TRAPPC3: variants seen among roughly 807,000 people sequenced by gnomAD.
TRAPPC3 encodes the protein trafficking protein particle complex 3.
Under a neutral mutation model 18.2 loss-of-function variants are expected in TRAPPC3, and 5 were observed. That is an observed-to-expected ratio of 0.28 (90% CI 0.14 to 0.58). TRAPPC3 has a LOEUF of 0.58. Among genes scored for constraint, TRAPPC3 ranks in the 20% least tolerant of loss-of-function variants. The probability of loss-of-function intolerance (pLI) is 0.91; values close to 1 mark genes in which losing one functional copy is unlikely to be tolerated. For missense variants in TRAPPC3, 176 were observed against 225.9 expected (o/e 0.78, Z 1.41); for synonymous variants, 65 against 84.2 (o/e 0.77, Z 1.25).
intron 1 of TRAPPC3, among the ~76,000 whole-genome samples, chr1:36,141,787 G>A (rs1374523657): frequency 5.9e-5 from 9 of 151,744 alleles, no homozygotes; most frequent in African/African-American, 1.9e-4. Context: ...GTGAAACCCC[G>A]TCTCTACTAA....
At chr1:36,154,408 G>A (rs767205827), upstream of TRAPPC3, among the ~76,000 whole-genome samples, 1 of 152,134 alleles carries the variant, frequency 6.6e-6, no homozygotes, top group Non-Finnish European at 1.5e-5. Context: ...GGAGGTGGGA[G>A]AAGAACCATT....
At chr1:36,154,061 G>A (rs769432716), upstream of TRAPPC3, among the ~76,000 whole-genome samples, 1 of 152,182 alleles carries the variant, frequency 6.6e-6, no homozygotes, top group Non-Finnish European at 1.5e-5. Context: ...CTGAAGTGCA[G>A]TGGCATGATC....
At chr1:36,141,988 G>A (rs757039966) in intron 1 of TRAPPC3, among the ~76,000 whole-genome samples, 32 of 145,630 alleles carry the variant, frequency 2.2e-4, no homozygotes, top group Non-Finnish European at 4.3e-4. Context: ...AAAAAAGAAC[G>A]TGCCCAAGGA....
chr1:36,149,517 G>T, upstream of TRAPPC3: 2 of 1,122,970 alleles, frequency 1.8e-6, no homozygotes, highest in Admixed American at 2.1e-5. Context: ...CCTCCCGCGG[G>T]GCACCACGGG....
At chr1:36,141,726 G>A (rs866947067) in intron 1 of TRAPPC3, among the ~76,000 whole-genome samples, 2 of 151,838 alleles carry the variant, frequency 1.3e-5, no homozygotes, top group Non-Finnish European at 2.9e-5. Flanking sequence ...TTGGAAGTCC[G>A]AGGCGGGCGG....
At chr1:36,140,229 C>A in intron 1 of TRAPPC3, 63 bp from the exon 2 acceptor site, 2 of 1,014,714 alleles carry the variant, frequency 2.0e-6, no homozygotes. Flanking sequence ...TGGTGAGAGT[C>A]TGGACCAGCC....
intron 3 of TRAPPC3, among the ~76,000 whole-genome samples, chr1:36,139,236 G>A (rs1253124996): frequency 2.2e-5 from 3 of 137,976 alleles, no homozygotes; most frequent in Non-Finnish European, 4.6e-5. Flanking sequence ...TCGGCTCACT[G>A]CAACCTCCGC....
chr1:36,139,873 G>C, intron 2 of TRAPPC3, 54 bp from the exon 3 acceptor site: 1 of 1,603,390 alleles, frequency 6.2e-7, no homozygotes. Flanking sequence ...TCTTATGTTT[G>C]AACATAAGGT....
upstream of TRAPPC3, among the ~76,000 whole-genome samples, chr1:36,153,964 A>G (rs1644291226): frequency 6.6e-6 from 1 of 152,114 alleles, no homozygotes; most frequent in Non-Finnish European, 1.5e-5. Context: ...GTTCATTTTT[A>G]GCTGCCATTT....
intron 1 of TRAPPC3, 122 bp downstream of exon 1, chr1:36,149,215 C>A: frequency 1.3e-6 from 2 of 1,536,322 alleles, no homozygotes; most frequent in Non-Finnish European, 1.8e-6. Context: ...CAGCAAGAGG[C>A]TTCCCCTTGC....
chr1:36,141,954 T>A (rs1432079508), intron 1 of TRAPPC3, among the ~76,000 whole-genome samples: 1 of 62,420 alleles, frequency 1.6e-5, no homozygotes, highest in African/African-American at 6.6e-5. Context: ...CAAGATTCCG[T>A]CTCCAAAAAA....
At chr1:36,140,001 A>C (rs2231311) in intron 2 of TRAPPC3, 68 bp downstream of exon 2, 15,400 of 1,485,152 alleles carry the variant, frequency 0.01, 117 homozygotes, top group Non-Finnish European at 0.011. Context: ...TTAAGCTCTA[A>C]AGGACAATGT....
intron 1 of TRAPPC3, among the ~76,000 whole-genome samples, chr1:36,148,600 G>T (rs1182174109): frequency 7.2e-6 from 1 of 139,230 alleles, no homozygotes; most frequent in Non-Finnish European, 1.6e-5. Flanking sequence ...GGGGGCGGGG[G>T]GAGGGAGGGA....
At chr1:36,140,378 A>C (rs1644089709) in intron 1 of TRAPPC3, 1 of 431,830 alleles carries the variant, frequency 2.3e-6, no homozygotes, top group South Asian at 6.5e-5. Flanking sequence ...GGGCTGTAAA[A>C]GGCACCTCAT....
At chr1:36,143,418 G>A (rs1034795039) in intron 1 of TRAPPC3, among the ~76,000 whole-genome samples, 6 of 152,148 alleles carry the variant, frequency 3.9e-5, no homozygotes, top group Non-Finnish European at 5.9e-5. Flanking sequence ...GAGAAACAGC[G>A]GGAGACTCTT....
At chr1:36,143,911 A>G (rs76871520) in intron 1 of TRAPPC3, among the ~76,000 whole-genome samples, 9,270 of 152,230 alleles carry the variant, frequency 0.061, 753 homozygotes, top group East Asian at 0.26. Context: ...CCAATCAGAT[A>G]ATGTTTGTGG....
chr1:36,143,500 G>C (rs1644147266), intron 1 of TRAPPC3, among the ~76,000 whole-genome samples: 2 of 152,168 alleles, frequency 1.3e-5, no homozygotes, highest in African/African-American at 4.8e-5. Flanking sequence ...TGCAGAGTCT[G>C]AAGACCTGGG....
chr1:36,144,906 A>G lies in TRAPPC3; in HGVS notation c.42+4431T>C, dbSNP rs528503292. 2.6e-5 allele frequency among the ~76,000 whole-genome samples: 4 copies of G among 151,242 alleles called. 1 individual carries two copies. In the South Asian group the frequency reaches 8.4e-4, roughly 32 times the overall value. On this transcript the variant is annotated intron_variant, in intron 1 of 4. Transcript: ENST00000373166. ...AAGTACTTCAGGCACAACCTGAACA[A>G]AGTAAATGAAACCAGCTCTACACTC...
In TRAPPC3 at chr1:36,149,456, T is replaced by C; in HGVS notation, c.-78A>G. On this transcript the variant is annotated 5_prime_UTR_variant, in exon 1 of 5. Transcript: ENST00000373166. ...CTGCAGACGCCGGAGCCTAAGCCGC[T>C]GCCCCTCAGCCCACAAGACCGACCG... The C allele has an allele frequency of 7.7e-6, 12 of 1,566,332 alleles. No homozygotes were observed. Among genetic ancestry groups the C allele is most frequent in the East Asian group, 2.3e-5 (1 of 43,330 alleles).
Sources: gnomAD v4.1 joint callset for allele counts (sites outside exome capture counted in the v4.1 genomes callset) on GRCh38, gnomAD v4.1.1 for gene constraint, MANE v1.5 for transcripts, NCBI Gene and HGNC (gene_info 2026-07-23, HGNC 2026-07-21) for gene names.